Variants in ZC3H13 observed in about 807,000 individuals in gnomAD.
ZC3H13 encodes zinc finger CCCH-type containing 13.
ZC3H13 carries 64 observed loss-of-function variants against 204.1 expected under a neutral mutation model. The observed-to-expected ratio is 0.31, with a 90% CI of 0.26 to 0.39. The LOEUF (loss-of-function observed/expected upper bound fraction) is 0.39, where lower values mean the gene tolerates loss of function less well. Ranked by LOEUF, ZC3H13 falls within the 10% of genes least tolerant of loss-of-function variation. The pLI is 1.00. For missense variants in ZC3H13, 1,833 were observed against 2,082.7 expected (o/e 0.88, Z 2.33); for synonymous variants, 667 against 693.7 (o/e 0.96, Z 0.60).
intron 7 of ZC3H13, among the ~76,000 whole-genome samples, chr13:46,008,576 CTAAA>C (rs2041320463): frequency 3.9e-5 from 6 of 152,008 alleles, no homozygotes; most frequent in African/African-American, 1.2e-4. Context: ...AACCCTTTGT[CTAAA>C]TAGTTATCAA....
intron 10 of ZC3H13, among the ~76,000 whole-genome samples, chr13:45,982,472 C>T (rs1197767634): frequency 6.6e-6 from 1 of 151,996 alleles, no homozygotes; most frequent in Non-Finnish European, 1.5e-5. Flanking sequence ...GAGATTTAAT[C>T]TGTCTAAAAC....
intron 17 of ZC3H13, 46 bp downstream of exon 17, chr13:45,963,796 T>G: frequency 6.2e-7 from 1 of 1,610,686 alleles, no homozygotes; most frequent in South Asian, 1.1e-5. Flanking sequence ...AGATGGCATC[T>G]TAAATGGTTA....
At chr13:45,995,603 T>TA (rs913395910) in intron 8 of ZC3H13, among the ~76,000 whole-genome samples, 11 of 152,198 alleles carry the variant, frequency 7.2e-5, no homozygotes, top group Non-Finnish European at 1.0e-4. Flanking sequence ...CTACTTGTAC[T>TA]AACAAAGCTT....
At position 46,021,121 on chromosome 13, in the gene ZC3H13, C is replaced by T. The variant is rs9652193; in HGVS notation, c.340-564G>A. Among the ~76,000 whole-genome samples the T allele has an allele frequency of 8.9e-3, 1,351 of 151,958 alleles. 20 individuals are homozygous for T. The highest frequency in any genetic ancestry group is 0.031 in the African/African-American group (1,292 of 41,496). On this transcript the variant is annotated intron_variant, in intron 4 of 18. Coordinates refer to ENST00000679008, the MANE Select transcript of ZC3H13 (RefSeq NM_001330564.2). ...TTTCCTAGACACCCAAGGATAAATCCAAACTCATTTAATAGTATTATAAAG... is the reference window on the plus strand; with the variant it reads ...TTTCCTAGACACCCAAGGATAAATCTAAACTCATTTAATAGTATTATAAAG...
rs547850021 is a variant in ZC3H13, at chr13:46,040,310, G to A, written c.339+1854C>T. 3.3e-5 allele frequency among the ~76,000 whole-genome samples: 5 copies of A among 152,202 alleles called. No homozygotes were observed. The South Asian group carries it at 8.3e-4, about 25-fold the overall frequency. Reference sequence around the variant, plus strand: ...ACTTCTACATAATTTAAGTGATCAAGGAAGTTGTTGCTTCCTTGATTCAGT... The same window carrying A: ...ACTTCTACATAATTTAAGTGATCAAAGAAGTTGTTGCTTCCTTGATTCAGT... On this transcript the variant is annotated intron_variant, in intron 4 of 18. Transcript: ENST00000679008.
At chr13:45,990,881 G>A (rs1281492237) in intron 8 of ZC3H13, among the ~76,000 whole-genome samples, 1 of 152,170 alleles carries the variant, frequency 6.6e-6, no homozygotes, top group East Asian at 1.9e-4. Flanking sequence ...ATGGCTCACT[G>A]CACTCTTGGC....
chr13:46,019,781 T>TA (rs1163790282), intron 5 of ZC3H13, among the ~76,000 whole-genome samples: 1 of 152,110 alleles, frequency 6.6e-6, no homozygotes, highest in Non-Finnish European at 1.5e-5. Flanking sequence ...GATGGGGTCT[T>TA]ACTTTGTTGC....
intron 5 of ZC3H13, among the ~76,000 whole-genome samples, chr13:46,014,741 T>C (rs61953330): frequency 6.6e-6 from 1 of 152,006 alleles, no homozygotes; most frequent in African/African-American, 2.4e-5. Flanking sequence ...CTTATATTCC[T>C]CCTACAGCCA....
chr13:46,042,199 T>G lies in ZC3H13; in HGVS notation c.304A>C (p.Lys102Gln), dbSNP rs2043634501. 6.2e-7 allele frequency: 1 copy of G among 1,613,476 alleles called. No homozygotes were observed. The highest frequency in any genetic ancestry group is 1.3e-5 in the African/African-American group (1 of 74,908). ...GAGGATGACTCCTCTGTATTTCGTT[T>G]CTGGGGCTCAGTGTCCACGTCTTGG... is the stretch of plus-strand genomic sequence containing the variant. ...KRQDVDTEPQ[K>Q]RNTEESSSPV... The change falls in exon 4 of 19, where the codon AAA becomes CAA. Residue 102 changes from lysine (K) to glutamine (Q), a missense_variant. Around this residue, in one of 5 missense-constraint regions of ZC3H13, gnomAD observed 1,574 missense variants for 1,757.2 expected, o/e 0.90. Transcript: ENST00000679008.
chr13:45,986,998 A>C (rs1954253590), intron 9 of ZC3H13, among the ~76,000 whole-genome samples: 1 of 152,146 alleles, frequency 6.6e-6, no homozygotes, highest in South Asian at 2.1e-4. Flanking sequence ...ACATATCTCC[A>C]TCCCTTTCTG....
chr13:45,993,103 G>T (rs185700411), intron 8 of ZC3H13, among the ~76,000 whole-genome samples: 19 of 152,208 alleles, frequency 1.2e-4, no homozygotes. Flanking sequence ...TCTAGTAACA[G>T]AGTCTATGGT....
At chr13:45,991,031 G>C (rs1270197784) in intron 8 of ZC3H13, among the ~76,000 whole-genome samples, 3 of 151,974 alleles carry the variant, frequency 2.0e-5, no homozygotes, top group African/African-American at 4.8e-5. Context: ...TGAACTCCTG[G>C]GCTCAAGCCA....
intron 4 of ZC3H13, among the ~76,000 whole-genome samples, chr13:46,037,323 G>A (rs2043272866): frequency 6.6e-6 from 1 of 152,006 alleles, no homozygotes; most frequent in South Asian, 2.1e-4. Context: ...ATACTCATAG[G>A]GCACCTCTAA....
chr13:46,051,557 A>G (rs1347540097), intron 1 of ZC3H13, among the ~76,000 whole-genome samples: 3 of 152,342 alleles, frequency 2.0e-5, no homozygotes, highest in South Asian at 4.1e-4. Flanking sequence ...GCTAACTGGC[A>G]CCATATACCC....
intron 12 of ZC3H13, among the ~76,000 whole-genome samples, chr13:45,973,133 G>A (rs1415106352): frequency 6.6e-6 from 1 of 152,210 alleles, no homozygotes; most frequent in Admixed American, 6.5e-5. Context: ...CTTATGTGGT[G>A]ATGTGTTATA....
chr13:46,048,460 A>G (rs1375416536), intron 1 of ZC3H13, among the ~76,000 whole-genome samples: 42 of 147,356 alleles, frequency 2.9e-4, no homozygotes, highest in African/African-American at 3.2e-4. Context: ...AGGCGCCTGT[A>G]GTCCCAGCTA....
chr13:46,023,042 A>T (rs528376262), intron 4 of ZC3H13, among the ~76,000 whole-genome samples: 30 of 152,302 alleles, frequency 2.0e-4, no homozygotes, highest in African/African-American at 7.2e-4. Flanking sequence ...TATGTTCATC[A>T]TTAATTTTAG....
At chr13:45,974,738 T>A (rs771334112) in intron 12 of ZC3H13, among the ~76,000 whole-genome samples, 1 of 152,130 alleles carries the variant, frequency 6.6e-6, no homozygotes. Flanking sequence ...TCATGAAGGA[T>A]CATCAGAATG....
chr13:46,022,361 TA>T (rs1275779924), intron 4 of ZC3H13, among the ~76,000 whole-genome samples: 1 of 151,910 alleles, frequency 6.6e-6, no homozygotes, highest in African/African-American at 2.4e-5. Flanking sequence ...CTAGCTAATT[TA>T]AAAAATACCT....
Sources: allele counts gnomAD v4.1 joint callset (sites outside exome capture counted in the v4.1 genomes callset), GRCh38; gene constraint gnomAD v4.1.1; regional missense constraint gnomAD v4.1.1; transcripts MANE v1.5; gene names NCBI Gene and HGNC (gene_info 2026-07-23, HGNC 2026-07-21).